LHFPL3: variants seen among roughly 807,000 people sequenced by gnomAD.
The protein encoded by LHFPL3 is LHFPL tetraspan subfamily member 3, also known as LHFPL tetraspan subfamily member 3 protein.
LHFPL3 carries 5 observed loss-of-function variants against 19.3 expected under a neutral mutation model. That is an observed-to-expected ratio of 0.26 (90% confidence interval 0.14 to 0.54). LHFPL3 has a LOEUF of 0.54. LHFPL3 is among the 20% of genes least tolerant of loss of function. The probability of loss-of-function intolerance (pLI) is 0.94; values close to 1 mark genes in which losing one functional copy is unlikely to be tolerated. For synonymous variants in LHFPL3, 133 were observed against 126.2 expected (o/e 1.05, Z -0.36); for missense variants, 249 against 307.4 (o/e 0.81, Z 1.42).
intron 1 of LHFPL3, among the ~76,000 whole-genome samples, chr7:104,355,663 A>T (rs541241055): frequency 6.6e-6 from 1 of 152,198 alleles, no homozygotes; most frequent in African/African-American, 2.4e-5. Context: ...GAAAAATAAA[A>T]TTCTTTTTAA....
rs1425644681 is a variant in LHFPL3, at chr7:104,907,774, C to T, written c.*1559C>T. 6.6e-6 allele frequency among the ~76,000 whole-genome samples: 1 copy of T among 152,190 alleles called. No homozygotes were observed. The highest frequency in any genetic ancestry group is 1.5e-5 in the Non-Finnish European group (1 of 68,022). On this transcript the variant is annotated 3_prime_UTR_variant, in exon 3 of 3. Transcript: ENST00000424859. ...CAGATCAGGGTTCACTTCTCTTACCCTCTCTCTGTTAGGACCACATTCCTA... is the reference window on the plus strand; with the variant it reads ...CAGATCAGGGTTCACTTCTCTTACCTTCTCTCTGTTAGGACCACATTCCTA...
chr7:104,671,966 A>T (rs965718408), intron 1 of LHFPL3, among the ~76,000 whole-genome samples: 4 of 152,172 alleles, frequency 2.6e-5, no homozygotes, highest in African/African-American at 9.7e-5. Flanking sequence ...TTATGATGAG[A>T]GTACTAAAGA....
At chr7:104,821,871 A>G (rs1210040779) in intron 2 of LHFPL3, among the ~76,000 whole-genome samples, 1 of 152,232 alleles carries the variant, frequency 6.6e-6, no homozygotes, top group African/African-American at 2.4e-5. Context: ...ACATAGATTA[A>G]GTAGTGTAAT....
At chr7:104,670,360 G>A (rs886445302) in intron 1 of LHFPL3, among the ~76,000 whole-genome samples, 5 of 152,146 alleles carry the variant, frequency 3.3e-5, no homozygotes, top group Non-Finnish European at 5.9e-5. Context: ...CTTGGGGGTC[G>A]TGGTAATTCC....
At chr7:104,632,428 A>G (rs1476847129) in intron 1 of LHFPL3, among the ~76,000 whole-genome samples, 2 of 152,218 alleles carry the variant, frequency 1.3e-5, no homozygotes, top group East Asian at 3.8e-4. Flanking sequence ...TATTATGTGA[A>G]TTCTTAGCCT....
chr7:104,369,933 A>G (rs1390945545), intron 1 of LHFPL3, among the ~76,000 whole-genome samples: 11 of 152,350 alleles, frequency 7.2e-5, no homozygotes, highest in Admixed American at 5.9e-4. Flanking sequence ...TAATTTGCAA[A>G]TGTTTTCTCC....
chr7:104,536,016 C>T (rs111696301), intron 1 of LHFPL3, among the ~76,000 whole-genome samples: 2,169 of 152,286 alleles, frequency 0.014, 26 homozygotes, highest in Admixed American at 0.025. Context: ...TACAGCACCA[C>T]GGGAGGAAGC....
chr7:104,736,534 G>C (rs1468235155), intron 1 of LHFPL3, 141 bp from the exon 2 acceptor site: 5 of 638,112 alleles, frequency 7.8e-6, no homozygotes, highest in Non-Finnish European at 1.1e-5. Flanking sequence ...CACATTCAGA[G>C]TGACAGTGGT....
chr7:104,444,989 CA>C (rs34934942), intron 1 of LHFPL3, among the ~76,000 whole-genome samples: 118 of 140,544 alleles, frequency 8.4e-4, no homozygotes, highest in Non-Finnish European at 6.9e-4. Flanking sequence ...ACTCCGTCTC[CA>C]AAAAAAAAAA....
intron 1 of LHFPL3, among the ~76,000 whole-genome samples, chr7:104,388,000 T>A (rs938641378): frequency 3.9e-5 from 6 of 152,184 alleles, no homozygotes; most frequent in Admixed American, 1.3e-4. Context: ...TGTCCATATG[T>A]ACTCAATGTT....
chr7:104,815,692 T>A (rs895900815), intron 2 of LHFPL3, among the ~76,000 whole-genome samples: 1 of 152,136 alleles, frequency 6.6e-6, no homozygotes, highest in Non-Finnish European at 1.5e-5. Flanking sequence ...GCCCTTTCTT[T>A]TAAGTCAGCC....
At chr7:104,625,803 C>A (rs1236971020) in intron 1 of LHFPL3, among the ~76,000 whole-genome samples, 9 of 152,156 alleles carry the variant, frequency 5.9e-5, no homozygotes, top group Non-Finnish European at 1.5e-5. Flanking sequence ...TCCTTGGGGT[C>A]TTTTATGCAC....
chr7:104,832,472 A>C (rs1039900162), intron 2 of LHFPL3, among the ~76,000 whole-genome samples: 2 of 151,838 alleles, frequency 1.3e-5, no homozygotes, highest in Admixed American at 1.3e-4. Flanking sequence ...ACTCCTGTAA[A>C]GCATATTTAA....
chr7:104,764,616 T>TC (rs1170743952), intron 2 of LHFPL3, among the ~76,000 whole-genome samples: 1 of 151,900 alleles, frequency 6.6e-6, no homozygotes, highest in African/African-American at 2.4e-5. Context: ...TAATAATCCA[T>TC]ATCTACACTT....
At chr7:104,857,237 C>T (rs1300684125) in intron 2 of LHFPL3, among the ~76,000 whole-genome samples, 2 of 136,224 alleles carry the variant, frequency 1.5e-5, no homozygotes, top group African/African-American at 5.6e-5. Flanking sequence ...TCACCGCTAC[C>T]ACGGCAGTTT....
chr7:104,667,560 T>C (rs959477667), intron 1 of LHFPL3, among the ~76,000 whole-genome samples: 6 of 152,224 alleles, frequency 3.9e-5, no homozygotes, highest in African/African-American at 1.4e-4. Context: ...TAGCCAATCT[T>C]CCTATAAAGC....
At chr7:104,798,554 T>C (rs538990577) in intron 2 of LHFPL3, 1 of 152,334 alleles carries the variant, frequency 6.6e-6, no homozygotes, top group East Asian at 1.9e-4. Context: ...TGTTGTATAG[T>C]CTACAAAAAA....
At chr7:104,418,569 G>A (rs17137509) in intron 1 of LHFPL3, among the ~76,000 whole-genome samples, 9,306 of 152,142 alleles carry the variant, frequency 0.061, 941 homozygotes, top group African/African-American at 0.21. Flanking sequence ...GGGTCAAGTC[G>A]CTTTGAATTA....
At chr7:104,494,871 CT>C (rs1244867395) in intron 1 of LHFPL3, among the ~76,000 whole-genome samples, 6 of 152,142 alleles carry the variant, frequency 3.9e-5, no homozygotes, top group African/African-American at 1.4e-4. Flanking sequence ...CAACCCCCAG[CT>C]GGGGTACAAA....
Sources: allele counts gnomAD v4.1 joint callset (sites outside exome capture counted in the v4.1 genomes callset), GRCh38; gene constraint gnomAD v4.1.1; transcripts MANE v1.5; gene names NCBI Gene and HGNC (gene_info 2026-07-23, HGNC 2026-07-21).